Variants in ELL2 observed in about 807,000 individuals in gnomAD.
The protein encoded by ELL2 is RNA polymerase II elongation factor ELL2.
In ELL2, 21 loss-of-function variants were observed where a neutral mutation model predicts 72.8. The observed-to-expected ratio is 0.29, with a 90% CI of 0.20 to 0.42. The LOEUF (loss-of-function observed/expected upper bound fraction) is 0.42, where lower values mean the gene tolerates loss of function less well. Among genes scored for constraint, ELL2 ranks in the 10% least tolerant of loss-of-function variants. The probability of loss-of-function intolerance (pLI) is 1.00; values close to 1 mark genes in which losing one functional copy is unlikely to be tolerated. For synonymous variants in ELL2, 266 were observed against 283.2 expected (o/e 0.94, Z 0.61); for missense variants, 568 against 772.8 (o/e 0.73, Z 3.14).
intron 8 of ELL2, among the ~76,000 whole-genome samples, chr5:95,896,809 T>A (rs1168052380): frequency 1.3e-5 from 2 of 152,214 alleles, no homozygotes; most frequent in African/African-American, 2.4e-5. Flanking sequence ...AGTCTGCTTC[T>A]CCAGGTCTCC....
At position 95,898,609 on chromosome 5, in the gene ELL2, A is replaced by C; in HGVS notation, c.1156T>G (p.Ser386Ala). Residue 386 changes from serine (S) to alanine (A), a missense_variant, in exon 8 of 12, where the codon TCA (serine) becomes GCA (alanine). Transcript: ENST00000237853. ...GAATTTACAATCTGAGGAGGATGTG[A>C]GATGGGCAGATAGGTTGAAGGCAGC... ...PPLPSTYLPI[S>A]HPPQIVNSNS... 1 of 1,613,608 alleles carries C rather than the reference A, an allele frequency of 6.2e-7. No individual in the cohort carries two copies. The highest frequency in any genetic ancestry group is 8.5e-7 in the Non-Finnish European group (1 of 1,179,740).
At chr5:95,952,914 G>A (rs2112566) in intron 1 of ELL2, among the ~76,000 whole-genome samples, 42,695 of 152,090 alleles carry the variant, frequency 0.28, 6,929 homozygotes, top group African/African-American at 0.45. Flanking sequence ...AAAGGAGAAT[G>A]AGAAAGAATA....
chr5:95,927,805 A>ATGTGTG (rs1750443936), intron 2 of ELL2, among the ~76,000 whole-genome samples: 1 of 102,280 alleles, frequency 9.8e-6, no homozygotes, highest in Non-Finnish European at 1.8e-5. Flanking sequence ...ACACACACAC[A>ATGTGTG]TATGTGTGTA....
At chr5:95,940,076 A>G (rs963420955) in intron 2 of ELL2, among the ~76,000 whole-genome samples, 1 of 152,226 alleles carries the variant, frequency 6.6e-6, no homozygotes, top group African/African-American at 2.4e-5. Context: ...GAGTTTAGAA[A>G]TGAGAATCAA....
At chr5:95,896,129 G>A (rs1580480048) in intron 8 of ELL2, among the ~76,000 whole-genome samples, 1 of 152,194 alleles carries the variant, frequency 6.6e-6, no homozygotes, top group Non-Finnish European at 1.5e-5. Context: ...GACTGCTTTG[G>A]TCACTGTATT....
At chr5:95,919,374 C>A (rs1401553387) in intron 3 of ELL2, 50 bp downstream of exon 3, 2 of 1,556,386 alleles carry the variant, frequency 1.3e-6, no homozygotes, top group South Asian at 2.5e-5. Flanking sequence ...TTCTAAAACC[C>A]TCTTAAATAA....
At chr5:95,951,102 G>A (rs1751378148) in intron 1 of ELL2, among the ~76,000 whole-genome samples, 1 of 151,638 alleles carries the variant, frequency 6.6e-6, no homozygotes, top group Non-Finnish European at 1.5e-5. Context: ...AGGCATGGTG[G>A]CTCACACCTG....
chr5:95,919,433 G>A lies in ELL2; in HGVS notation c.308C>T (p.Thr103Ile). The A allele has an allele frequency of 1.3e-6, 2 of 1,582,186 alleles. No homozygotes were observed. Among genetic ancestry groups the A allele is most frequent in the South Asian group, 1.2e-5 (1 of 84,444 alleles). ...CTTGAAAAGTACTTACCTGGAGAAT[G>A]TTTGCTGGATGCAGTCAAAGCTGCC... ...PQGSFDCIQQ[T>I]FSSSGASQLN... Residue 103 changes from threonine to isoleucine, a missense_variant, in exon 3 of 12, where the codon ACA becomes ATA. Thr to Ile is a moderately conservative substitution (Grantham distance 89). Coordinates refer to ENST00000237853, the MANE Select transcript of ELL2 (RefSeq NM_012081.6).
At chr5:95,947,381 C>T (rs1751200121) in intron 1 of ELL2, among the ~76,000 whole-genome samples, 1 of 152,170 alleles carries the variant, frequency 6.6e-6, no homozygotes, top group Non-Finnish European at 1.5e-5. Context: ...TTTTTTACCT[C>T]ACGCCCTGAA....
intron 1 of ELL2, among the ~76,000 whole-genome samples, chr5:95,944,449 A>C (rs542093419): frequency 2.0e-4 from 31 of 152,358 alleles, no homozygotes; most frequent in African/African-American, 7.5e-4. Context: ...GCTTTTTAAA[A>C]AGGAAAAATA....
chr5:95,930,373 A>AT (rs1750552903), intron 2 of ELL2, among the ~76,000 whole-genome samples: 1 of 152,150 alleles, frequency 6.6e-6, no homozygotes, highest in Non-Finnish European at 1.5e-5. Context: ...AGAGACTGGT[A>AT]TTTGACACCT....
intron 2 of ELL2, among the ~76,000 whole-genome samples, chr5:95,932,917 G>A (rs1183807059): frequency 2.0e-5 from 3 of 152,176 alleles, no homozygotes; most frequent in African/African-American, 7.2e-5. Context: ...CATATTGGGA[G>A]AAAGCATGAA....
At chr5:95,931,321 C>T (rs10080086) in intron 2 of ELL2, among the ~76,000 whole-genome samples, 2,185 of 152,152 alleles carry the variant, frequency 0.014, 48 homozygotes, top group African/African-American at 0.05. Context: ...GTGTTTGGCA[C>T]AAGGCCCGGT....
chr5:95,961,213 C>T (rs1751834461), intron 1 of ELL2, among the ~76,000 whole-genome samples: 1 of 152,074 alleles, frequency 6.6e-6, no homozygotes, highest in Non-Finnish European at 1.5e-5. Flanking sequence ...CCTTCCCCGC[C>T]GAGGGTAGCG....
At chr5:95,894,487 C>T (rs1748792951) in intron 9 of ELL2, among the ~76,000 whole-genome samples, 1 of 152,110 alleles carries the variant, frequency 6.6e-6, no homozygotes, top group African/African-American at 2.4e-5. Flanking sequence ...AGAGGTGAAC[C>T]CCCTCAGCAG....
intron 3 of ELL2, among the ~76,000 whole-genome samples, chr5:95,918,561 T>G (rs531753634): frequency 3.3e-5 from 5 of 152,336 alleles, no homozygotes; most frequent in African/African-American, 1.2e-4. Context: ...CAACTTTGCT[T>G]CTTCTTTTCC....
intron 2 of ELL2, among the ~76,000 whole-genome samples, chr5:95,924,864 C>T (rs554550908): frequency 2.6e-5 from 4 of 152,194 alleles, no homozygotes; most frequent in Non-Finnish European, 5.9e-5. Context: ...GATACAAGCT[C>T]AGGCATGTGG....
intron 2 of ELL2, among the ~76,000 whole-genome samples, chr5:95,928,991 C>A (rs1014781248): frequency 6.6e-6 from 1 of 152,102 alleles, no homozygotes; most frequent in African/African-American, 2.4e-5. Context: ...TGCTGGGTGC[C>A]GGAACACGCT....
At chr5:95,938,434 A>G (rs114554716) in intron 2 of ELL2, among the ~76,000 whole-genome samples, 2,368 of 152,290 alleles carry the variant, frequency 0.016, 63 homozygotes, top group African/African-American at 0.054. Context: ...CATGATTTCT[A>G]AAAATTAGGC....
Sources: allele counts gnomAD v4.1 joint callset (sites outside exome capture counted in the v4.1 genomes callset), GRCh38; gene constraint gnomAD v4.1.1; transcripts MANE v1.5; gene names NCBI Gene and HGNC (gene_info 2026-07-23, HGNC 2026-07-21).